Variants in VAV1 observed in about 807,000 individuals in gnomAD.
The protein encoded by VAV1 is vav guanine nucleotide exchange factor 1, also known as proto-oncogene vav.
VAV1 carries 33 observed loss-of-function variants against 128.1 expected under a neutral mutation model. The ratio of observed to expected loss-of-function variants is 0.26; its 90% CI spans 0.20 to 0.34. The LOEUF (loss-of-function observed/expected upper bound fraction) is 0.34, where lower values mean the gene tolerates loss of function less well. Among genes scored for constraint, VAV1 ranks in the 10% least tolerant of loss-of-function variants. The probability of loss-of-function intolerance (pLI) is 1.00; values close to 1 mark genes in which losing one functional copy is unlikely to be tolerated. For synonymous variants in VAV1, 394 were observed against 409.8 expected, an observed-to-expected ratio of 0.96 and a Z score of 0.47; for missense variants, 715 against 1,093.7, an observed-to-expected ratio of 0.65 and a Z score of 4.88.
intron 14 of VAV1, among the ~76,000 whole-genome samples, chr19:6,830,728 C>T (rs972658365): frequency 6.6e-5 from 10 of 152,166 alleles, no homozygotes; most frequent in Non-Finnish European, 1.0e-4. Context: ...GCGTGAGCCA[C>T]TGTGCCCAGC....
chr19:6,832,314 C>G lies in VAV1; in HGVS notation c.1508+114C>G, dbSNP rs568820218. On this transcript the variant is annotated intron_variant, in intron 15 of 26. Transcript: ENST00000602142. ...CATGCCATGGGACCACTCTGAACCA[C>G]AGTCTCTTCATTTGGGAAATAAGAG... The G allele has an allele frequency of 3.9e-4, 363 of 931,058 alleles. 6 individuals carry two copies. In the South Asian group the frequency reaches 4.2e-3, roughly 11 times the overall value. The allele number at this position is 931,058 out of a possible 1,614,324, so 57.7% of individuals were successfully genotyped here. A position where few individuals can be genotyped will look rare whatever the true frequency, so the allele number is the denominator to read the frequency against.
At chr19:6,827,379 C>G (rs1233850043) in intron 9 of VAV1, among the ~76,000 whole-genome samples, 4 of 152,018 alleles carry the variant, frequency 2.6e-5, no homozygotes, top group Non-Finnish European at 5.9e-5. Flanking sequence ...GCAATCCTCC[C>G]AACTCCTACC....
chr19:6,832,423 C>T (rs964266998), intron 15 of VAV1, among the ~76,000 whole-genome samples: 5 of 151,878 alleles, frequency 3.3e-5, no homozygotes, highest in Non-Finnish European at 2.9e-5. Context: ...TTCTCCTTTC[C>T]TCCTCCTCTT....
At chr19:6,814,655 CCTTCCTTCCTTCCTTCCTTTCTTT>C (rs1399945108) in intron 1 of VAV1, among the ~76,000 whole-genome samples, 2 of 44,784 alleles carry the variant, frequency 4.5e-5, no homozygotes, top group African/African-American at 3.6e-4. Context: ...TTCCTTCCTT[CCTTCCTTCCTTCCTTCCTTTCTTT>C]CTTTCTTTCT....
At chr19:6,855,054 A>C (rs1353725509) in intron 26 of VAV1, among the ~76,000 whole-genome samples, 6 of 152,210 alleles carry the variant, frequency 3.9e-5, no homozygotes, top group Non-Finnish European at 1.5e-5. Context: ...AATGTCTTCA[A>C]GTCCACTTGT....
At chr19:6,773,098 A>C in intron 1 of VAV1, 87 bp downstream of exon 1, 1 of 1,528,350 alleles carries the variant, frequency 6.5e-7, no homozygotes, top group Non-Finnish European at 9.0e-7. Context: ...GTGCTGCTCC[A>C]CCTCTGGGCC....
intron 19 of VAV1, 84 bp downstream of exon 19, chr19:6,834,037 A>G (rs1458791346): frequency 7.7e-5 from 123 of 1,592,766 alleles, no homozygotes; most frequent in Non-Finnish European, 1.0e-4. Flanking sequence ...CTCCATAATC[A>G]TATTAACAGC....
intron 21 of VAV1, among the ~76,000 whole-genome samples, chr19:6,838,810 C>A (rs936367821): frequency 3.3e-5 from 5 of 152,038 alleles, no homozygotes; most frequent in Non-Finnish European, 7.4e-5. Context: ...CTCACTGCAG[C>A]CTTGACCTCC....
At chr19:6,814,632 T>TCC (rs1971581392) in intron 1 of VAV1, among the ~76,000 whole-genome samples, 8 of 141,178 alleles carry the variant, frequency 5.7e-5, no homozygotes, top group African/African-American at 2.0e-4. Context: ...CTTTCTTTTC[T>TCC]TTCTCTCCTT....
chr19:6,796,057 T>C (rs1176118925), intron 1 of VAV1, among the ~76,000 whole-genome samples: 1 of 152,186 alleles, frequency 6.6e-6, no homozygotes, highest in Non-Finnish European at 1.5e-5. Context: ...ACATGACGAA[T>C]CTGCCTTCCT....
chr19:6,837,111 T>G, intron 21 of VAV1, 61 bp downstream of exon 21: 1 of 1,558,246 alleles, frequency 6.4e-7, no homozygotes, highest in Non-Finnish European at 8.8e-7. Flanking sequence ...CCTGGGAGGA[T>G]GGACAGACTT....
chr19:6,802,360 AT>A (rs984552839), intron 1 of VAV1, among the ~76,000 whole-genome samples: 5 of 152,126 alleles, frequency 3.3e-5, no homozygotes, highest in African/African-American at 4.8e-5. Flanking sequence ...ATTAAAAAAA[AT>A]AAAGGACCTC....
intron 1 of VAV1, among the ~76,000 whole-genome samples, chr19:6,778,035 C>G (rs1460354677): frequency 1.3e-5 from 2 of 152,142 alleles, no homozygotes; most frequent in African/African-American, 4.8e-5. Context: ...CTCCCGGGTT[C>G]AAGCGATTCT....
intron 21 of VAV1, among the ~76,000 whole-genome samples, chr19:6,840,969 G>T (rs941008613): frequency 6.6e-6 from 1 of 151,670 alleles, no homozygotes; most frequent in African/African-American, 2.4e-5. Flanking sequence ...GTAGAGACAG[G>T]GTTTCACCAT....
At chr19:6,812,533 G>A (rs1037257951) in intron 1 of VAV1, among the ~76,000 whole-genome samples, 2 of 152,046 alleles carry the variant, frequency 1.3e-5, no homozygotes, top group African/African-American at 2.4e-5. Context: ...GGTGGTGGGC[G>A]CCTGTAATCC....
intron 1 of VAV1, among the ~76,000 whole-genome samples, chr19:6,794,570 AGAG>A (rs1231650317): frequency 1.3e-5 from 2 of 152,178 alleles, no homozygotes; most frequent in Admixed American, 6.6e-5. Flanking sequence ...AATGCCGTTG[AGAG>A]GAGTAGATTC....
At chr19:6,845,839 A>G (rs1198347526) in intron 22 of VAV1, among the ~76,000 whole-genome samples, 1 of 148,008 alleles carries the variant, frequency 6.8e-6, no homozygotes, top group Non-Finnish European at 1.5e-5. Flanking sequence ...TTACATTTAT[A>G]TCATCTTATC....
chr19:6,829,317 G>A (rs1318580681), intron 13 of VAV1, among the ~76,000 whole-genome samples: 1 of 151,542 alleles, frequency 6.6e-6, no homozygotes, highest in Non-Finnish European at 1.5e-5. Context: ...AGGCAGTTGG[G>A]TGGAGTCAAC....
At chr19:6,805,736 T>G (rs923991420) in intron 1 of VAV1, among the ~76,000 whole-genome samples, 4 of 150,218 alleles carry the variant, frequency 2.7e-5, no homozygotes, top group African/African-American at 1.0e-4. Context: ...ATTATACAGC[T>G]CACACATATG....
Sources: allele counts gnomAD v4.1 joint callset (sites outside exome capture counted in the v4.1 genomes callset), GRCh38; gene constraint gnomAD v4.1.1; transcripts MANE v1.5; gene names NCBI Gene and HGNC (gene_info 2026-07-23, HGNC 2026-07-21).